SNCAIP: variants seen among roughly 807,000 people sequenced by gnomAD.
The protein encoded by SNCAIP is synuclein alpha interacting protein.
SNCAIP carries 43 observed loss-of-function variants against 86.7 expected under a neutral mutation model. That is an observed-to-expected ratio of 0.50 (90% CI 0.39 to 0.64). The LOEUF (loss-of-function observed/expected upper bound fraction) is 0.64. Among genes scored for constraint, SNCAIP ranks in the 30% least tolerant of loss-of-function variants. The probability of loss-of-function intolerance (pLI) is 0.00; values close to 1 mark genes in which losing one functional copy is unlikely to be tolerated. For synonymous variants in SNCAIP, 417 were observed against 427.2 expected (o/e 0.98, Z 0.29); for missense variants, 981 against 1,103.1 (o/e 0.89, Z 1.57).
At position 122,423,483 on chromosome 5, in the gene SNCAIP, A is replaced by T. The variant is rs750855774; in HGVS notation, c.746A>T (p.Tyr249Phe). ...CCTCTGGTTAAATGTGGCTCTGCAT[A>T]TGAGCCTGAAAACCAGAGTAAAGAC... ...SPPLVKCGSA[Y>F]EPENQSKDFL... Residue 249 changes from tyrosine to phenylalanine, a missense_variant, in exon 4 of 11, where the codon TAT becomes TTT. Coordinates refer to ENST00000261368, the MANE Select transcript of SNCAIP (RefSeq NM_005460.4). 6.2e-7 allele frequency: 1 copy of T among 1,614,084 alleles called. No homozygotes were observed. Among genetic ancestry groups the T allele is most frequent in the South Asian group, 1.1e-5 (1 of 91,094 alleles).
At chr5:122,322,293 T>C (rs933398811) in intron 1 of SNCAIP, among the ~76,000 whole-genome samples, 5 of 152,250 alleles carry the variant, frequency 3.3e-5, no homozygotes, top group African/African-American at 1.2e-4. Context: ...CAAAGATAAG[T>C]GTCACTTCAA....
At chr5:122,350,433 A>G (rs1489573891) in intron 1 of SNCAIP, among the ~76,000 whole-genome samples, 2 of 151,974 alleles carry the variant, frequency 1.3e-5, no homozygotes, top group African/African-American at 4.8e-5. Flanking sequence ...TGTATACTAA[A>G]TAGATATTAT....
chr5:122,319,715 A>G (rs1209821388), intron 1 of SNCAIP, among the ~76,000 whole-genome samples: 1 of 152,256 alleles, frequency 6.6e-6, no homozygotes, highest in Non-Finnish European at 1.5e-5. Flanking sequence ...AAGCTGATGC[A>G]GAAGGAAGAT....
intron 1 of SNCAIP, chr5:122,388,850 G>A (rs147211365): frequency 1.6e-4 from 24 of 152,190 alleles, no homozygotes; most frequent in African/African-American, 5.3e-4. Flanking sequence ...ATAGCATGTG[G>A]AGGCCTGCTG....
intron 1 of SNCAIP, among the ~76,000 whole-genome samples, chr5:122,337,202 T>C (rs1407931820): frequency 6.6e-6 from 1 of 152,300 alleles, no homozygotes; most frequent in East Asian, 1.9e-4. Context: ...CAGAACAATG[T>C]CAACCTTTCA....
At chr5:122,446,720 T>C (rs1782392684) in intron 8 of SNCAIP, among the ~76,000 whole-genome samples, 1 of 152,190 alleles carries the variant, frequency 6.6e-6, no homozygotes, top group Non-Finnish European at 1.5e-5. Flanking sequence ...ACAGCCACAG[T>C]ACACTGTGCC....
intron 1 of SNCAIP, among the ~76,000 whole-genome samples, chr5:122,357,032 G>A (rs932227018): frequency 1.3e-5 from 2 of 152,040 alleles, no homozygotes; most frequent in African/African-American, 2.4e-5. Flanking sequence ...CTGCATATTT[G>A]TATCTCTGAC....
chr5:122,372,845 T>C (rs1220987414), intron 1 of SNCAIP, among the ~76,000 whole-genome samples: 1 of 152,008 alleles, frequency 6.6e-6, no homozygotes, highest in Non-Finnish European at 1.5e-5. Context: ...TTTATAACCA[T>C]CCTTACTTCC....
intron 1 of SNCAIP, among the ~76,000 whole-genome samples, chr5:122,378,411 T>C (rs925914848): frequency 2.2e-5 from 3 of 136,590 alleles, no homozygotes; most frequent in Non-Finnish European, 3.2e-5. Context: ...TGTAAATTTG[T>C]TTGAGTTCAT....
chr5:122,386,971 A>C (rs1378088496), intron 1 of SNCAIP, among the ~76,000 whole-genome samples: 9 of 152,212 alleles, frequency 5.9e-5, no homozygotes, highest in South Asian at 2.1e-4. Context: ...CTGTGGGGAG[A>C]GGGGCTTACA....
At chr5:122,334,808 A>G (rs1184800383) in intron 1 of SNCAIP, among the ~76,000 whole-genome samples, 2 of 152,236 alleles carry the variant, frequency 1.3e-5, no homozygotes, top group Admixed American at 6.5e-5. Context: ...CATTGTCACC[A>G]TTATACATAT....
chr5:122,367,999 C>A (rs1763520252), intron 1 of SNCAIP, among the ~76,000 whole-genome samples: 1 of 152,090 alleles, frequency 6.6e-6, no homozygotes, highest in Admixed American at 6.6e-5. Context: ...TAGGACTTGC[C>A]AAACCTTTCA....
chr5:122,348,249 C>CT (rs1170789199), intron 1 of SNCAIP, among the ~76,000 whole-genome samples: 1 of 151,888 alleles, frequency 6.6e-6, no homozygotes, highest in African/African-American at 2.4e-5. Flanking sequence ...AAAGTTTATT[C>CT]TTTTTTATTA....
intron 1 of SNCAIP, among the ~76,000 whole-genome samples, chr5:122,381,638 G>C (rs1227523984): frequency 2.0e-5 from 3 of 150,648 alleles, no homozygotes; most frequent in Non-Finnish European, 3.0e-5. Context: ...TCCTAGTCTC[G>C]ATGGTCTTTA....
intron 1 of SNCAIP, among the ~76,000 whole-genome samples, chr5:122,346,723 T>C (rs1758686783): frequency 6.6e-6 from 1 of 151,798 alleles, no homozygotes. Flanking sequence ...CATTGAATAA[T>C]AGGACTCTTG....
chr5:122,365,672 C>T (rs189216690), intron 1 of SNCAIP, among the ~76,000 whole-genome samples: 1 of 152,240 alleles, frequency 6.6e-6, no homozygotes, highest in Non-Finnish European at 1.5e-5. Flanking sequence ...GAGTAAGACC[C>T]TGTCTCCATA....
At position 122,400,288 on chromosome 5, in the gene SNCAIP, T is replaced by C. The variant is rs964049133; in HGVS notation, c.58-3505T>C. Among the ~76,000 whole-genome samples, 4 of 152,194 alleles carry C rather than the reference T, an allele frequency of 2.6e-5. No individual in the cohort carries two copies. In the East Asian group the frequency reaches 7.7e-4, roughly 29 times the overall value. Reference sequence around the variant, plus strand: ...TTGTCCTATAGGCTGTGCAGAGTCTTAGTCAAATTTTTATTTCAGAAAGCT... The same window carrying C: ...TTGTCCTATAGGCTGTGCAGAGTCTCAGTCAAATTTTTATTTCAGAAAGCT... On this transcript the variant is annotated intron_variant, in intron 2 of 10. Coordinates refer to ENST00000261368, the MANE Select transcript of SNCAIP (RefSeq NM_005460.4).
intron 3 of SNCAIP, among the ~76,000 whole-genome samples, chr5:122,409,857 A>G (rs909114011): frequency 5.9e-5 from 9 of 152,224 alleles, no homozygotes; most frequent in African/African-American, 2.2e-4. Context: ...AATATTTGTT[A>G]AGGTTTAATG....
intron 9 of SNCAIP, 47 bp from the exon 10 acceptor site, chr5:122,450,486 T>G (rs1581384775): frequency 1.5e-6 from 2 of 1,377,804 alleles, no homozygotes; most frequent in East Asian, 4.6e-5. Context: ...TTGAGTCATT[T>G]CAACCCAGTA....
Sources: gnomAD v4.1 joint callset for allele counts (sites outside exome capture counted in the v4.1 genomes callset) on GRCh38, gnomAD v4.1.1 for gene constraint, MANE v1.5 for transcripts, NCBI Gene and HGNC (gene_info 2026-07-23, HGNC 2026-07-21) for gene names.